The following USP25 variants were observed in gnomAD, a reference collection of about 807,000 sequenced individuals.
The protein encoded by USP25 is ubiquitin specific peptidase 25.
A neutral mutation model predicts 158.5 loss-of-function variants in USP25; 85 were observed. That is an observed-to-expected ratio of 0.54 (90% CI 0.45 to 0.64). The LOEUF is 0.64. Among genes scored for constraint, USP25 ranks in the 30% least tolerant of loss-of-function variants. The pLI is 0.00. For missense variants in USP25, 1,242 were observed against 1,327.3 expected (o/e 0.94, Z 1.00); for synonymous variants, 464 against 460.4 (o/e 1.01, Z -0.10).
intron 23 of USP25, among the ~76,000 whole-genome samples, chr21:15,873,400 C>T (rs573054978): frequency 6.6e-6 from 1 of 152,208 alleles, no homozygotes; most frequent in South Asian, 2.1e-4. Flanking sequence ...GGATTACAGG[C>T]ATGAGCGACT....
chr21:15,795,534 T>G (rs2146231482), intron 5 of USP25, among the ~76,000 whole-genome samples: 1 of 151,698 alleles, frequency 6.6e-6, no homozygotes. Context: ...TTCTTTGTGG[T>G]TTAAGCATGA....
chr21:15,799,884 A>G (rs773668143), intron 6 of USP25, 41 bp downstream of exon 6: 10 of 1,376,536 alleles, frequency 7.3e-6, no homozygotes, highest in Middle Eastern at 1.9e-4. Context: ...TATATACTCT[A>G]TATGTTCTCT....
At chr21:15,874,998 C>T (rs2040044684) in intron 24 of USP25, among the ~76,000 whole-genome samples, 1 of 152,070 alleles carries the variant, frequency 6.6e-6, no homozygotes, top group Non-Finnish European at 1.5e-5. Flanking sequence ...AACCCCATCT[C>T]GACTAAAATA....
chr21:15,821,954 A>G (rs777116370), intron 10 of USP25, among the ~76,000 whole-genome samples: 3 of 151,970 alleles, frequency 2.0e-5, no homozygotes, highest in Non-Finnish European at 4.4e-5. Context: ...TGTGCTGCCA[A>G]TACTGATTAT....
intron 1 of USP25, among the ~76,000 whole-genome samples, chr21:15,749,948 G>A (rs1450756133): frequency 3.9e-5 from 6 of 152,202 alleles, no homozygotes; most frequent in African/African-American, 1.4e-4. Flanking sequence ...TAAAGCCTTT[G>A]GAATTTACTC....
rs1164024117 is a variant in USP25, at chr21:15,878,885, GAATA to G, written c.*413_*416del. ...TTTGGTAGCTTGTAAATGAAATAAA[GAATA>G]AAGTTTTATTTATGGCTACCTATGT... On this transcript the variant is annotated 3_prime_UTR_variant, in exon 26 of 26. Transcript: ENST00000400183. 1 of 154,448 alleles carries G rather than the reference GAATA, an allele frequency of 6.5e-6. No individual in the cohort carries two copies. Among genetic ancestry groups the G allele is most frequent in the Non-Finnish European group, 1.4e-5 (1 of 69,436 alleles). 9.6% of individuals were successfully genotyped at this position (154,448 alleles called of 1,614,324 possible). A position where few individuals can be genotyped will look rare whatever the true frequency, so the allele number is the denominator to read the frequency against.
chr21:15,809,236 C>A (rs2036537938), intron 8 of USP25, among the ~76,000 whole-genome samples: 1 of 152,146 alleles, frequency 6.6e-6, no homozygotes, highest in Non-Finnish European at 1.5e-5. Flanking sequence ...AGTAGCAGTG[C>A]ATGTGAGCAA....
chr21:15,846,745 T>C (rs1184397331), intron 18 of USP25, among the ~76,000 whole-genome samples: 1 of 152,170 alleles, frequency 6.6e-6, no homozygotes, highest in African/African-American at 2.4e-5. Flanking sequence ...TTTTGGCTTT[T>C]TTAATAGGTA....
chr21:15,750,597 A>G (rs1398364078), intron 1 of USP25, among the ~76,000 whole-genome samples: 2 of 150,560 alleles, frequency 1.3e-5, no homozygotes, highest in Admixed American at 6.6e-5. Context: ...TATATGGTTA[A>G]CTTTTTCCCC....
At chr21:15,760,189 A>G (rs1052338307) in intron 1 of USP25, among the ~76,000 whole-genome samples, 2 of 152,242 alleles carry the variant, frequency 1.3e-5, no homozygotes, top group East Asian at 3.8e-4. Context: ...TGGCCATGCA[A>G]CTGTGTTGTG....
intron 17 of USP25, among the ~76,000 whole-genome samples, chr21:15,835,419 C>G (rs1257487363): frequency 1.3e-5 from 2 of 151,824 alleles, no homozygotes; most frequent in Admixed American, 1.3e-4. Context: ...CTTGCCCCAT[C>G]CTCATTTTAC....
chr21:15,821,161 A>C (rs765274616), intron 10 of USP25, among the ~76,000 whole-genome samples: 2 of 151,814 alleles, frequency 1.3e-5, no homozygotes, highest in African/African-American at 4.8e-5. Flanking sequence ...GTGTTCTTTT[A>C]GACTATTGCT....
chr21:15,836,141 A>G (rs552758923), intron 17 of USP25, among the ~76,000 whole-genome samples: 42 of 152,172 alleles, frequency 2.8e-4, no homozygotes, highest in Non-Finnish European at 6.0e-4. Context: ...ACTAGTGGAA[A>G]TAATAAAAGG....
intron 23 of USP25, among the ~76,000 whole-genome samples, chr21:15,872,908 A>AT (rs2039952760): frequency 6.6e-6 from 1 of 152,098 alleles, no homozygotes. Flanking sequence ...ACAATATTTC[A>AT]TTTTTTAAAA....
chr21:15,793,757 G>A (rs1325678669), intron 5 of USP25, among the ~76,000 whole-genome samples: 2 of 151,374 alleles, frequency 1.3e-5, no homozygotes, highest in African/African-American at 4.8e-5. Context: ...AATGATGAGT[G>A]GGCAGAAAAA....
chr21:15,758,094 G>A (rs913949678), intron 1 of USP25, among the ~76,000 whole-genome samples: 4 of 152,144 alleles, frequency 2.6e-5, no homozygotes, highest in Non-Finnish European at 4.4e-5. Context: ...TTAAAATGCC[G>A]ATCCCTAGAC....
At chr21:15,869,148 A>T (rs759670215) in intron 22 of USP25, among the ~76,000 whole-genome samples, 1 of 151,988 alleles carries the variant, frequency 6.6e-6, no homozygotes, top group Admixed American at 6.6e-5. Context: ...CTTGGGAGAC[A>T]GAGGTAGGAG....
intron 4 of USP25, among the ~76,000 whole-genome samples, chr21:15,785,069 C>G (rs192047678): frequency 6.6e-6 from 1 of 151,012 alleles, no homozygotes; most frequent in African/African-American, 2.4e-5. Context: ...ACAAAGATAT[C>G]CCATGCAAAT....
chr21:15,739,030 C>T (rs1427638381), intron 1 of USP25, among the ~76,000 whole-genome samples: 1 of 152,124 alleles, frequency 6.6e-6, no homozygotes, highest in South Asian at 2.1e-4. Flanking sequence ...CCCGGGAGCT[C>T]GGCTCTTGAG....
Sources: allele counts gnomAD v4.1 joint callset (sites outside exome capture counted in the v4.1 genomes callset), GRCh38; gene constraint gnomAD v4.1.1; transcripts MANE v1.5; gene names NCBI Gene and HGNC (gene_info 2026-07-23, HGNC 2026-07-21).